ARAP2: variants seen among roughly 807,000 people sequenced by gnomAD.
The protein encoded by ARAP2 is ArfGAP with RhoGAP domain, ankyrin repeat and PH domain 2.
In ARAP2, 148 loss-of-function variants were observed where a neutral mutation model predicts 194.5. That is an observed-to-expected ratio of 0.76 (90% CI 0.67 to 0.87). The LOEUF (loss-of-function observed/expected upper bound fraction) is 0.87, where lower values mean the gene tolerates loss of function less well. Ranked by LOEUF, ARAP2 falls within the 40% of genes least tolerant of loss-of-function variation. ARAP2 has a pLI of 0.00. For synonymous variants in ARAP2, 695 were observed against 683.5 expected (o/e 1.02, Z -0.26); for missense variants, 2,128 against 1,989.7 (o/e 1.07, Z -1.32).
chr4:36,054,714 A>G (rs1450215901), intron 2 of ARAP2, among the ~76,000 whole-genome samples: 6 of 152,244 alleles, frequency 3.9e-5, no homozygotes, highest in African/African-American at 7.2e-5. Flanking sequence ...ACATTAAACA[A>G]AAAATATTAC....
At chr4:36,081,567 C>T (rs1729562846) in intron 30 of ARAP2, among the ~76,000 whole-genome samples, 1 of 152,084 alleles carries the variant, frequency 6.6e-6, no homozygotes, top group Non-Finnish European at 1.5e-5. Context: ...TGAAAGAATT[C>T]ACAGAAGTTT....
intron 9 of ARAP2, chr4:36,012,451 A>G (rs1467231035): frequency 1.3e-5 from 2 of 152,198 alleles, no homozygotes; most frequent in Non-Finnish European, 2.9e-5. Context: ...CTTTATCAAT[A>G]TGTATGTAAG....
At chr4:36,180,003 T>C (rs1578187086) in intron 8 of ARAP2, among the ~76,000 whole-genome samples, 1 of 152,316 alleles carries the variant, frequency 6.6e-6, no homozygotes, top group South Asian at 2.1e-4. Context: ...CTGGGTGTGG[T>C]GTCCCACACC....
intron 22 of ARAP2, 45 bp downstream of exon 22, chr4:36,124,817 A>G: frequency 8.6e-7 from 1 of 1,163,222 alleles, no homozygotes; most frequent in Non-Finnish European, 1.3e-6. Context: ...TGACTTATTG[A>G]GTGCTGTGTT....
At position 36,066,113 on chromosome 4, in the gene ARAP2, A is replaced by C. The variant is rs1183151906; in HGVS notation, c.*1794T>G. 6.6e-6 allele frequency: 1 copy of C among 152,224 alleles called. No individual in the cohort carries two copies. The highest frequency in any genetic ancestry group is 1.9e-4 in the East Asian group (1 of 5,204). The allele number at this position is 152,224 out of a possible 1,614,324, so 9.4% of individuals were successfully genotyped here. A position where few individuals can be genotyped will look rare whatever the true frequency, so the allele number is the denominator to read the frequency against. ...GACAGTTGTTCAGAATAGAAAGGGA[A>C]ACAGCTATTAGAGTTTAAGCTCAAG... On this transcript the variant is annotated 3_prime_UTR_variant, in exon 33 of 33. Coordinates refer to ENST00000303965, the MANE Select transcript of ARAP2 (RefSeq NM_015230.4).
chr4:36,117,177 T>C, intron 24 of ARAP2, 42 bp from the exon 25 acceptor site: 1 of 1,400,000 alleles, frequency 7.1e-7, no homozygotes, highest in Non-Finnish European at 9.7e-7. Flanking sequence ...ATAAACATAT[T>C]GTAAAAACAC....
intron 7 of ARAP2, chr4:36,015,840 G>C (rs993258439): frequency 6.6e-5 from 10 of 152,162 alleles, no homozygotes; most frequent in Non-Finnish European, 1.0e-4. Context: ...AAAATATTTA[G>C]AGATTATTGA....
At chr4:36,149,312 CAGT>C (rs1730382555) in intron 16 of ARAP2, among the ~76,000 whole-genome samples, 1 of 73,768 alleles carries the variant, frequency 1.4e-5, no homozygotes, top group Admixed American at 1.5e-4. Context: ...AACTCTTGTC[CAGT>C]CAGTCATTTA....
At chr4:36,117,420 A>C (rs917420763) in intron 24 of ARAP2, among the ~76,000 whole-genome samples, 3 of 151,756 alleles carry the variant, frequency 2.0e-5, no homozygotes, top group African/African-American at 7.2e-5. Context: ...TTTTCCTAAA[A>C]TAATGAATCC....
rs201791776 is a variant in ARAP2 at position 36,148,503 on chromosome 4, T to C, written c.2902A>G (p.Ile968Val). ...KEDFYLNTGP[I>V]FIFEIYLPSE... The stretch of plus-strand genomic sequence containing the variant: ...GGTAAGTAGATCTCAAAGATAAAGA[T>C]GGGCCTAAAACATGCACAAATAAAA... The change falls in exon 17 of 33, where the codon ATC becomes GTC. Residue 968 changes from isoleucine to valine, a missense_variant. Transcript: ENST00000303965. 4 of 1,611,848 alleles carry C rather than the reference T, an allele frequency of 2.5e-6. No homozygotes were observed. Among genetic ancestry groups the C allele is most frequent in the East Asian group, 2.2e-5 (1 of 44,784 alleles).
chr4:36,092,115 A>T lies in ARAP2; in HGVS notation c.4286-95T>A, dbSNP rs1577841932. ...TTCTATATTGTCATATAGAAAAAAT[A>T]AGAACTTGTTTACTACCGCTAAAGT... On this transcript the variant is annotated intron_variant, in intron 27 of 32. Transcript: ENST00000303965. 3 of 1,355,856 alleles carry T rather than the reference A, an allele frequency of 2.2e-6. No homozygotes were observed. In the East Asian group the frequency reaches 7.1e-5, roughly 32 times the overall value. 84.0% of individuals were successfully genotyped at this position (1,355,856 alleles called of 1,614,324 possible). A position where few individuals can be genotyped will look rare whatever the true frequency, so the allele number is the denominator to read the frequency against.
At chr4:36,121,458 A>T in intron 22 of ARAP2, 132 bp from the exon 23 acceptor site, 1 of 740,164 alleles carries the variant, frequency 1.4e-6, no homozygotes, top group Non-Finnish European at 2.1e-6. Flanking sequence ...GTGGTGACTT[A>T]AAAGCATATG....
At chr4:36,091,482 T>A (rs1010735269) in intron 28 of ARAP2, among the ~76,000 whole-genome samples, 1 of 152,184 alleles carries the variant, frequency 6.6e-6, no homozygotes, top group African/African-American at 2.4e-5. Context: ...GGAAAGATAC[T>A]AATAAGATTT....
chr4:36,169,729 T>C (rs1736172262), intron 9 of ARAP2, among the ~76,000 whole-genome samples: 1 of 152,144 alleles, frequency 6.6e-6, no homozygotes. Flanking sequence ...AGACGGGGTT[T>C]CACCATGTTG....
intron 27 of ARAP2, among the ~76,000 whole-genome samples, chr4:36,097,614 T>C (rs565426993): frequency 8.5e-5 from 13 of 152,116 alleles, no homozygotes; most frequent in Non-Finnish European, 1.9e-4. Flanking sequence ...CCCTTGCTAG[T>C]AGGGAAAACC....
chr4:36,092,009 G>T lies in ARAP2; in HGVS notation c.4297C>A (p.Leu1433Met). Residue 1433 changes from leucine to methionine, a missense_variant, in exon 28 of 33, where the codon CTG (leucine) becomes ATG (methionine). Coordinates refer to ENST00000303965, the MANE Select transcript of ARAP2 (RefSeq NM_015230.4). Reference protein sequence around the residue: ...TIKHCSDRSTLGSIKEGILKI... With the variant: ...TIKHCSDRSTMGSIKEGILKI... ...AAGATTCCTTCTTTGATGCTTCCCAGTGTACTCCGGTCTGTAAAGTACAGC... is the reference window on the plus strand; with the variant it reads ...AAGATTCCTTCTTTGATGCTTCCCATTGTACTCCGGTCTGTAAAGTACAGC... 6.3e-7 allele frequency: 1 copy of T among 1,594,012 alleles called. No individual in the cohort carries two copies. The highest frequency in any genetic ancestry group is 8.6e-7 in the Non-Finnish European group (1 of 1,165,416).
At chr4:36,148,263 T>C (rs1730118929) in intron 17 of ARAP2, 142 bp downstream of exon 17, 2 of 585,672 alleles carry the variant, frequency 3.4e-6, no homozygotes. Flanking sequence ...CTCTTTTGAC[T>C]ACTTTTTTTG....
chr4:36,045,385 T>A (rs1721627193), intron 5 of ARAP2, among the ~76,000 whole-genome samples: 1 of 152,190 alleles, frequency 6.6e-6, no homozygotes, highest in Non-Finnish European at 1.5e-5. Flanking sequence ...TTTTGTCCTT[T>A]ACAACATCAT....
intron 19 of ARAP2, among the ~76,000 whole-genome samples, chr4:36,137,594 A>G (rs1367190707): frequency 6.6e-6 from 1 of 151,822 alleles, no homozygotes; most frequent in Admixed American, 6.6e-5. Flanking sequence ...ATGCCATCTT[A>G]GACTGTCATT....
Sources: gnomAD v4.1 joint callset for allele counts (sites outside exome capture counted in the v4.1 genomes callset) on GRCh38, gnomAD v4.1.1 for gene constraint, MANE v1.5 for transcripts, NCBI Gene and HGNC (gene_info 2026-07-23, HGNC 2026-07-21) for gene names.